Variants in CTIF observed in about 807,000 individuals in gnomAD.
CTIF encodes CBP80/20-dependent translation initiation factor.
A neutral mutation model predicts 66.0 loss-of-function variants in CTIF; 21 were observed. That is an observed-to-expected ratio of 0.32 (90% confidence interval 0.23 to 0.46). The LOEUF (loss-of-function observed/expected upper bound fraction) is 0.46. Among genes scored for constraint, CTIF ranks in the 20% least tolerant of loss-of-function variants. The pLI, the probability that CTIF is intolerant of heterozygous loss-of-function variation, is 1.00. For missense variants in CTIF, 739 were observed against 812.7 expected, an observed-to-expected ratio of 0.91 and a Z score of 1.10; for synonymous variants, 345 against 326.4, an observed-to-expected ratio of 1.06 and a Z score of -0.62.
chr18:48,665,215 G>A (rs1265533348), intron 5 of CTIF, among the ~76,000 whole-genome samples: 1 of 152,228 alleles, frequency 6.6e-6, no homozygotes, highest in African/African-American at 2.4e-5. Flanking sequence ...CGCCCGGCCT[G>A]AGGCTGTGTG....
At chr18:48,651,507 A>G (rs529458033) in intron 3 of CTIF, among the ~76,000 whole-genome samples, 92 of 152,176 alleles carry the variant, frequency 6.0e-4, no homozygotes, top group Non-Finnish European at 9.0e-4. Context: ...ACTCCCACAC[A>G]ATAATAACGG....
intron 2 of CTIF, among the ~76,000 whole-genome samples, chr18:48,620,744 C>T (rs1207347526): frequency 6.6e-6 from 1 of 152,176 alleles, no homozygotes; most frequent in African/African-American, 2.4e-5. Flanking sequence ...AAGCCTGGGA[C>T]TCCTGGGACA....
intron 6 of CTIF, among the ~76,000 whole-genome samples, chr18:48,693,738 G>T (rs559816751): frequency 3.9e-5 from 6 of 152,302 alleles, no homozygotes; most frequent in African/African-American, 1.4e-4. Context: ...CATGATCCAC[G>T]CGCCAAGTCC....
intron 9 of CTIF, among the ~76,000 whole-genome samples, chr18:48,794,091 C>G (rs2067855151): frequency 6.6e-6 from 1 of 152,156 alleles, no homozygotes; most frequent in African/African-American, 2.4e-5. Context: ...TGACTAGTAG[C>G]CCAAAGGGTG....
chr18:48,642,258 T>C (rs2090948140), intron 3 of CTIF, among the ~76,000 whole-genome samples: 1 of 152,004 alleles, frequency 6.6e-6, no homozygotes, highest in African/African-American at 2.4e-5. Context: ...ACACGTAAGA[T>C]CCCCAAAGAG....
At chr18:48,704,119 T>C (rs2092120586) in intron 6 of CTIF, among the ~76,000 whole-genome samples, 1 of 152,038 alleles carries the variant, frequency 6.6e-6, no homozygotes, top group South Asian at 2.1e-4. Flanking sequence ...ACGGGGTCTA[T>C]GGTAGGGTGG....
intron 9 of CTIF, among the ~76,000 whole-genome samples, chr18:48,796,677 G>A (rs1043760812): frequency 6.6e-6 from 1 of 152,166 alleles, no homozygotes; most frequent in Admixed American, 6.5e-5. Context: ...CAACCCCACA[G>A]CCACCCAAGG....
chr18:48,598,423 C>T (rs1035504783), intron 1 of CTIF, among the ~76,000 whole-genome samples: 3 of 152,190 alleles, frequency 2.0e-5, no homozygotes, highest in African/African-American at 7.2e-5. Flanking sequence ...AAGGTAGCAC[C>T]TTCCAAGGAT....
intron 10 of CTIF, chr18:48,826,490 T>A (rs2146406085): frequency 6.6e-6 from 1 of 152,362 alleles, no homozygotes; most frequent in Non-Finnish European, 1.5e-5. Context: ...CGGGCTCACT[T>A]CCCACCGCCT....
At chr18:48,739,803 A>G (rs4939800) in intron 7 of CTIF, among the ~76,000 whole-genome samples, 15,087 of 152,250 alleles carry the variant, frequency 0.099, 822 homozygotes, top group South Asian at 0.2. Flanking sequence ...CTCTGGAATC[A>G]TAGGAGGGAG....
chr18:48,731,580 TTGTC>T (rs1318370072), intron 7 of CTIF, among the ~76,000 whole-genome samples: 1 of 152,186 alleles, frequency 6.6e-6, no homozygotes, highest in Non-Finnish European at 1.5e-5. Context: ...AGGGCTTGGT[TTGTC>T]TGTGATAAGT....
intron 6 of CTIF, chr18:48,673,576 A>G (rs1415340208): frequency 6.6e-6 from 1 of 152,158 alleles, no homozygotes; most frequent in African/African-American, 2.4e-5. Context: ...AATTCTGCTG[A>G]GGGTCCAGCT....
chr18:48,748,863 T>C (rs759461505), intron 7 of CTIF, among the ~76,000 whole-genome samples: 1 of 152,222 alleles, frequency 6.6e-6, no homozygotes, highest in Non-Finnish European at 1.5e-5. Flanking sequence ...ACACCTCCCA[T>C]GACAGGAAGC....
chr18:48,585,368 C>T lies in CTIF; in HGVS notation c.-28-34170C>T, dbSNP rs2089745206. On this transcript the variant is annotated intron_variant, in intron 1 of 11. Coordinates refer to ENST00000256413, the MANE Select transcript of CTIF (RefSeq NM_014772.3). ...GAAAGTGGGCTTCTCTTAACCCTAC[C>T]TCTGGATCCCCAAGGGTAGCAGTCT... is the stretch of plus-strand genomic sequence containing the variant. 2.0e-5 allele frequency among the ~76,000 whole-genome samples: 3 copies of T among 152,214 alleles called. No individual in the cohort carries two copies. In the South Asian group the frequency reaches 6.2e-4, roughly 32 times the overall value.
intron 9 of CTIF, among the ~76,000 whole-genome samples, chr18:48,794,803 C>A (rs2067874957): frequency 6.6e-6 from 1 of 152,166 alleles, no homozygotes; most frequent in Admixed American, 6.5e-5. Context: ...AGCCTCGGAT[C>A]TTCCTTCCCC....
chr18:48,709,167 G>A (rs913338162), intron 6 of CTIF, among the ~76,000 whole-genome samples: 1 of 152,222 alleles, frequency 6.6e-6, no homozygotes, highest in African/African-American at 2.4e-5. Flanking sequence ...TAGGTCATCT[G>A]CTCAAAGTCA....
intron 1 of CTIF, among the ~76,000 whole-genome samples, chr18:48,581,146 G>T (rs956709826): frequency 1.3e-5 from 2 of 151,998 alleles, no homozygotes; most frequent in Non-Finnish European, 2.9e-5. Flanking sequence ...AGTGAGAGAA[G>T]GTGAGACAGC....
rs149322860 is a variant in CTIF at position 48,548,604 on chromosome 18, G to A, written c.-29+9292G>A. Reference sequence around the variant, plus strand: ...GCAAGGTTGCATCAGATGGCTGGACGTGCCTGGATGTGCTCTGCCACTGGC... The same window carrying A: ...GCAAGGTTGCATCAGATGGCTGGACATGCCTGGATGTGCTCTGCCACTGGC... On this transcript the variant is annotated intron_variant, in intron 1 of 11. Transcript: ENST00000256413. 6.3e-3 allele frequency among the ~76,000 whole-genome samples: 963 copies of A among 152,324 alleles called. 7 individuals are homozygous for A. Among genetic ancestry groups the A allele is most frequent in the African/African-American group, 0.021 (892 of 41,568 alleles).
chr18:48,821,610 G>T (rs2068484825), intron 10 of CTIF, among the ~76,000 whole-genome samples: 6 of 152,260 alleles, frequency 3.9e-5, no homozygotes, highest in Admixed American at 3.9e-4. Flanking sequence ...GCCAATCAGA[G>T]ATCCTTCTTC....
Sources: gnomAD v4.1 joint callset for allele counts (sites outside exome capture counted in the v4.1 genomes callset) on GRCh38, gnomAD v4.1.1 for gene constraint, MANE v1.5 for transcripts, NCBI Gene and HGNC (gene_info 2026-07-23, HGNC 2026-07-21) for gene names.